MYLIP: variants seen among roughly 807,000 people sequenced by gnomAD.
MYLIP encodes myosin regulatory light chain interacting protein, also known as E3 ubiquitin-protein ligase MYLIP.
Under a neutral mutation model 45.8 loss-of-function variants are expected in MYLIP, and 26 were observed. That is an observed-to-expected ratio of 0.57 (90% CI 0.42 to 0.79). MYLIP has a LOEUF of 0.79. Ranked by LOEUF, MYLIP falls within the 30% of genes least tolerant of loss-of-function variation. MYLIP has a pLI of 0.00. For missense variants in MYLIP, 494 were observed against 555.6 expected, an observed-to-expected ratio of 0.89 and a Z score of 1.11; for synonymous variants, 213 against 218.1, an observed-to-expected ratio of 0.98 and a Z score of 0.21.
intron 4 of MYLIP, 118 bp downstream of exon 4, chr6:16,143,335 A>C: frequency 1.9e-6 from 2 of 1,027,268 alleles, no homozygotes; most frequent in African/African-American, 1.6e-5. Context: ...GAAAGATTTC[A>C]TTTTGGTATG....
At chr6:16,140,896 T>C (rs1194088565) in intron 2 of MYLIP, among the ~76,000 whole-genome samples, 1 of 151,992 alleles carries the variant, frequency 6.6e-6, no homozygotes, top group Admixed American at 6.5e-5. Context: ...CTGCATGGAG[T>C]CTGGAGGAGG....
At chr6:16,158,155 C>T in the MYLIP span, among the ~76,000 whole-genome samples, 3,476 of 152,228 alleles carry the variant, frequency 0.023, 110 homozygotes, top group African/African-American at 0.074. Context: ...GAATCGTTGC[C>T]AACAGGCTTG....
chr6:16,131,151 T>C (rs1759452947), intron 2 of MYLIP, among the ~76,000 whole-genome samples: 1 of 152,154 alleles, frequency 6.6e-6, no homozygotes, highest in East Asian at 1.9e-4. Context: ...CAGACTGTTC[T>C]AACAGAAAGC....
At chr6:16,150,223 T>A (rs2113588965), downstream of MYLIP, among the ~76,000 whole-genome samples, 1 of 152,256 alleles carries the variant, frequency 6.6e-6, no homozygotes, top group East Asian at 1.9e-4. Flanking sequence ...GGCAGAAAGC[T>A]AAGCCAGGAG....
At chr6:16,138,737 A>C (rs1345833477) in intron 2 of MYLIP, among the ~76,000 whole-genome samples, 2 of 152,204 alleles carry the variant, frequency 1.3e-5, no homozygotes, top group Non-Finnish European at 2.9e-5. Context: ...TTGAAATGAA[A>C]AGGTTGCTTT....
At chr6:16,149,384 A>G (rs550480051), downstream of MYLIP, among the ~76,000 whole-genome samples, 3 of 152,358 alleles carry the variant, frequency 2.0e-5, no homozygotes, top group Non-Finnish European at 2.9e-5. Flanking sequence ...CAGTGGAGGC[A>G]CAGGAGGCAG....
intron 3 of MYLIP, among the ~76,000 whole-genome samples, chr6:16,142,674 A>C (rs924204383): frequency 6.6e-6 from 1 of 152,232 alleles, no homozygotes; most frequent in Non-Finnish European, 1.5e-5. Flanking sequence ...CAGGGGCCTC[A>C]GGGGTCAACT....
Position 16,143,809 on chromosome 6 carries a change from C to A in MYLIP, c.773C>A (p.Thr258Asn). The A allele has an allele frequency of 6.2e-7, 1 of 1,613,538 alleles. No homozygotes were observed. The highest frequency in any genetic ancestry group is 8.5e-7 in the Non-Finnish European group (1 of 1,179,950). ...GTGCTCTTGTTTAAAATGATCAGCA[C>A]CAGGGCGGCCAGCGGGCTCTACCGA... Reference protein sequence around the residue: ...SIVLLFKMISTRAASGLYRAI... With the variant: ...SIVLLFKMISNRAASGLYRAI... Residue 258 changes from threonine to asparagine, a missense_variant, in exon 5 of 7, where the codon ACC becomes AAC. Transcript: ENST00000356840.
Position 16,138,935 on chromosome 6 carries a change from T to A in MYLIP, c.279-2690T>A, listed in dbSNP as rs796103286. The stretch of plus-strand genomic sequence containing the variant: ...ATTCTGGCCCATATGCTGAGAAGGA[T>A]CAGTGGTGCTCTCAGGCTGCCTGCC... On this transcript the variant is annotated intron_variant, in intron 2 of 6. Transcript: ENST00000356840. Among the ~76,000 whole-genome samples the A allele has an allele frequency of 3.9e-5, 6 of 152,142 alleles. No homozygotes were observed. In the East Asian group the frequency reaches 1.2e-3, roughly 29 times the overall value.
At chr6:16,132,145 A>T (rs1759470991) in intron 2 of MYLIP, among the ~76,000 whole-genome samples, 1 of 152,196 alleles carries the variant, frequency 6.6e-6, no homozygotes, top group Non-Finnish European at 1.5e-5. Flanking sequence ...CCCAGTTTTG[A>T]TGGCACAAAA....
the MYLIP span, among the ~76,000 whole-genome samples, chr6:16,162,216 G>A: frequency 6.6e-6 from 1 of 152,230 alleles, no homozygotes; most frequent in African/African-American, 2.4e-5. Flanking sequence ...TTTATGGGGT[G>A]AGGATGTGGG....
At chr6:16,141,296 A>T (rs561498981) in intron 2 of MYLIP, among the ~76,000 whole-genome samples, 5 of 152,282 alleles carry the variant, frequency 3.3e-5, no homozygotes, top group South Asian at 2.1e-4. Context: ...TCAAGATACA[A>T]TTTTTCTGAT....
chr6:16,163,823 T>C, the MYLIP span: 1 of 152,272 alleles, frequency 6.6e-6, no homozygotes, highest in African/African-American at 2.4e-5. Context: ...CCTTGTACCT[T>C]GTTAAAAACC....
intron 3 of MYLIP, 63 bp from the exon 4 acceptor site, chr6:16,142,957 A>T: frequency 2.7e-6 from 4 of 1,501,300 alleles, no homozygotes; most frequent in Non-Finnish European, 3.6e-6. Context: ...TGAAGACTAC[A>T]TAGGTTTATC....
At position 16,130,597 on chromosome 6, in the gene MYLIP, G is replaced by T; in HGVS notation, c.128G>T (p.Gly43Val). ...GGAATCATAGAAGTTGACTATTTTG[G>T]ACTGCAGTTTACGGGTAGCAAAGGT... is the stretch of plus-strand genomic sequence containing the variant. ...RLGIIEVDYF[G>V]LQFTGSKGES... Residue 43 changes from glycine (G) to valine (V), a missense_variant, in exon 2 of 7, where the codon GGA (glycine) becomes GTA (valine). Coordinates refer to ENST00000356840, the MANE Select transcript of MYLIP (RefSeq NM_013262.4). The T allele has an allele frequency of 6.2e-7, 1 of 1,614,128 alleles. No homozygotes were observed. The highest frequency in any genetic ancestry group is 8.5e-7 in the Non-Finnish European group (1 of 1,180,028).
At position 16,143,688 on chromosome 6, in the gene MYLIP, C is replaced by T. The variant is rs371593218; in HGVS notation, c.663-11C>T. 6.8e-5 allele frequency: 110 copies of T among 1,613,164 alleles called. No individual in the cohort carries two copies. In the African/African-American group the frequency reaches 1.4e-3, roughly 20 times the overall value. ...TCTAGATCTGCTTTCTTTTCTCTTC[C>T]TGTCTCTTAGGATAGCTTATCCTGT... On this transcript the variant is annotated splice_polypyrimidine_tract_variant and intron_variant, in intron 4 of 6. Transcript: ENST00000356840.
the MYLIP span, chr6:16,161,062 GTCTCAT>G: frequency 6.4e-6 from 1 of 156,316 alleles, no homozygotes; most frequent in East Asian, 1.9e-4. Context: ...GGCCACCAGG[GTCTCAT>G]GGGGGGAGAC....
At chr6:16,140,214 C>T (rs567940281) in intron 2 of MYLIP, among the ~76,000 whole-genome samples, 9 of 152,280 alleles carry the variant, frequency 5.9e-5, no homozygotes, top group Admixed American at 5.2e-4. Flanking sequence ...GACAAGTCAT[C>T]GAAGGAAGGT....
the MYLIP span, among the ~76,000 whole-genome samples, chr6:16,161,959 C>CA: frequency 3.3e-5 from 5 of 152,040 alleles, no homozygotes; most frequent in South Asian, 4.2e-4. Context: ...CCAAACATTC[C>CA]AAAAAAATGC....
Sources: allele counts gnomAD v4.1 joint callset (sites outside exome capture counted in the v4.1 genomes callset), GRCh38; gene constraint gnomAD v4.1.1; transcripts MANE v1.5; gene names NCBI Gene and HGNC (gene_info 2026-07-23, HGNC 2026-07-21).